Variants in CNTNAP3 observed in about 807,000 individuals in gnomAD.
The protein encoded by CNTNAP3 is contactin associated protein family member 3.
CNTNAP3 carries 36 observed loss-of-function variants against 92.1 expected under a neutral mutation model. That is an observed-to-expected ratio of 0.39 (90% CI 0.30 to 0.52). The LOEUF (loss-of-function observed/expected upper bound fraction) is 0.52. Ranked by LOEUF, CNTNAP3 falls within the 20% of genes least tolerant of loss-of-function variation. CNTNAP3 has a pLI of 0.76. For synonymous variants in CNTNAP3, 232 were observed against 422.3 expected (o/e 0.55, Z 5.53); for missense variants, 534 against 1,069.6 (o/e 0.50, Z 6.98).
intron 15 of CNTNAP3, among the ~76,000 whole-genome samples, chr9:39,104,942 T>G (rs1460409746): frequency 6.6e-6 from 1 of 152,316 alleles, no homozygotes; most frequent in East Asian, 1.9e-4. Flanking sequence ...TTTTTCTCTT[T>G]GTAATTCATG....
chr9:39,107,959 G>A (rs918962841), intron 15 of CNTNAP3, among the ~76,000 whole-genome samples: 12 of 152,140 alleles, frequency 7.9e-5, no homozygotes, highest in African/African-American at 2.9e-4. Flanking sequence ...TAACATATCT[G>A]TCAAGAGCTG....
At chr9:39,129,690 T>C (rs1402877245) in intron 13 of CNTNAP3, among the ~76,000 whole-genome samples, 1 of 152,098 alleles carries the variant, frequency 6.6e-6, no homozygotes, top group Non-Finnish European at 1.5e-5. Context: ...AGTCGATGAA[T>C]AGGCAAGCAA....
chr9:39,097,540 G>A (rs1469632420), intron 18 of CNTNAP3, among the ~76,000 whole-genome samples: 1 of 152,026 alleles, frequency 6.6e-6, no homozygotes, highest in East Asian at 1.9e-4. Context: ...CCTGGAATGA[G>A]GAGTTGGTGT....
At chr9:39,280,725 TC>T (rs1823003811) in intron 1 of CNTNAP3, among the ~76,000 whole-genome samples, 1 of 61,070 alleles carries the variant, frequency 1.6e-5, no homozygotes, top group Non-Finnish European at 6.1e-5. Context: ...GCTCACTATT[TC>T]TTATATCATG....
rs528955499 is a variant in CNTNAP3, at chr9:39,069,028, A to ATG, written c.*4861_*4862insCA. Among the ~76,000 whole-genome samples, 32 of 151,428 alleles carry ATG rather than the reference A, an allele frequency of 2.1e-4. No homozygotes were observed. Among genetic ancestry groups the ATG allele is most frequent in the African/African-American group, 7.6e-4 (31 of 40,738 alleles). ...AGTATAAACACACATACACATATAT[A>ATG]TATGTATGTATATAACACACATGAA... On this transcript the variant is annotated 3_prime_UTR_variant, in exon 24 of 24. Transcript: ENST00000297668.
At position 39,078,405 on chromosome 9, in the gene CNTNAP3, C is replaced by T; in HGVS notation, c.3725G>A (p.Arg1242Lys). ...EGEPLVNADR[R>K]DSAVIGGVIA... ...GTTACCTCCGATGACAGCAGAGTCT[C>T]TTCTGTCTGCATTAACCAAGGGCTC... Residue 1242 changes from arginine (R) to lysine (K), a missense_variant, in exon 23 of 24, where the codon AGA (arginine) becomes AAA (lysine). Physicochemically the swap from Arg to Lys is conservative, Grantham distance 26. Coordinates refer to ENST00000297668, the MANE Select transcript of CNTNAP3 (RefSeq NM_033655.5). 6.2e-7 allele frequency: 1 copy of T among 1,612,120 alleles called. No homozygotes were observed. The highest frequency in any genetic ancestry group is 8.5e-7 in the Non-Finnish European group (1 of 1,179,878).
chr9:39,081,120 A>T (rs141825670), intron 21 of CNTNAP3, among the ~76,000 whole-genome samples: 11 of 150,544 alleles, frequency 7.3e-5, no homozygotes, highest in African/African-American at 2.5e-4. Context: ...AAAGAAAGGC[A>T]TTCCTTTGCC....
intron 15 of CNTNAP3, among the ~76,000 whole-genome samples, chr9:39,106,130 AT>A (rs932694601): frequency 3.3e-5 from 5 of 152,126 alleles, no homozygotes; most frequent in African/African-American, 1.2e-4. Flanking sequence ...ATCCCTGCAG[AT>A]CCCCTAGTCC....
intron 13 of CNTNAP3, among the ~76,000 whole-genome samples, chr9:39,118,778 C>T (rs866889817): frequency 5.8e-4 from 88 of 152,316 alleles, no homozygotes; most frequent in African/African-American, 1.9e-3. Flanking sequence ...CATTGGATGT[C>T]CTGACTCTTT....
chr9:39,131,742 C>T (rs1821299103), intron 13 of CNTNAP3, among the ~76,000 whole-genome samples: 1 of 152,114 alleles, frequency 6.6e-6, no homozygotes, highest in Non-Finnish European at 1.5e-5. Flanking sequence ...AGGAGAATCG[C>T]TTGAATCCGG....
intron 13 of CNTNAP3, among the ~76,000 whole-genome samples, chr9:39,123,983 TAAAG>T (rs1343157042): frequency 1.3e-5 from 2 of 151,918 alleles, no homozygotes; most frequent in Non-Finnish European, 2.9e-5. Flanking sequence ...CAGAAATACA[TAAAG>T]AAAGGTAGGA....
Position 39,073,162 on chromosome 9 carries a change from T to C in CNTNAP3, c.*728A>G, listed in dbSNP as rs1243080449. On this transcript the variant is annotated 3_prime_UTR_variant, in exon 24 of 24. Coordinates refer to ENST00000297668, the MANE Select transcript of CNTNAP3 (RefSeq NM_033655.5). ...CAATACTAAAATTTCATAGCTAACA[T>C]TCAATATTAATTTCAACATTAAAAT... 1.3e-5 allele frequency: 2 copies of C among 155,496 alleles called. No individual in the cohort carries two copies. The highest frequency in any genetic ancestry group is 2.9e-5 in the Non-Finnish European group (2 of 69,758). The allele number at this position is 155,496 out of a possible 1,614,324, so 9.6% of individuals were successfully genotyped here. A position where few individuals can be genotyped will look rare whatever the true frequency, so the allele number is the denominator to read the frequency against.
At chr9:39,140,933 G>GA (rs1280904438) in intron 11 of CNTNAP3, among the ~76,000 whole-genome samples, 1 of 152,170 alleles carries the variant, frequency 6.6e-6, no homozygotes, top group African/African-American at 2.4e-5. Flanking sequence ...GAGGAAGAAG[G>GA]AAAGATTGTG....
At chr9:39,129,596 G>A (rs7866039) in intron 13 of CNTNAP3, among the ~76,000 whole-genome samples, 26,497 of 150,632 alleles carry the variant, frequency 0.18, 2,827 homozygotes, top group African/African-American at 0.37. Flanking sequence ...GAATTGACAC[G>A]ATGTGTACAA....
chr9:39,129,425 TAGTC>T (rs1441978019), intron 13 of CNTNAP3, among the ~76,000 whole-genome samples: 6 of 152,186 alleles, frequency 3.9e-5, no homozygotes, highest in South Asian at 2.1e-4. Context: ...TGAACATTCA[TAGTC>T]AGAGAGAGTG....
chr9:39,105,868 T>A lies in CNTNAP3; in HGVS notation c.2366-1954A>T, dbSNP rs867001665. Among the ~76,000 whole-genome samples the A allele has an allele frequency of 6.8e-4, 82 of 120,556 alleles. 5 individuals are homozygous for A. Among genetic ancestry groups the A allele is most frequent in the Admixed American group, 2.3e-3 (30 of 13,048 alleles). 79.1% of individuals were successfully genotyped at this position (120,556 alleles called of 152,430 possible). A position where few individuals can be genotyped will look rare whatever the true frequency, so the allele number is the denominator to read the frequency against. ...GTATTTGTATCTCTCTCTCTCTCTCTCACACACACAGTCTCTCTCTTCTAT... is the reference window on the plus strand; with the variant it reads ...GTATTTGTATCTCTCTCTCTCTCTCACACACACACAGTCTCTCTCTTCTAT... On this transcript the variant is annotated intron_variant, in intron 15 of 23. Coordinates refer to ENST00000297668, the MANE Select transcript of CNTNAP3 (RefSeq NM_033655.5).
rs1320714648 is a variant in CNTNAP3 at position 39,285,591 on chromosome 9, G to A, written c.85+2389C>T. Among the ~76,000 whole-genome samples the A allele has an allele frequency of 1.6e-3, 76 of 46,858 alleles. 20 individuals are homozygous for A. The highest frequency in any genetic ancestry group is 3.4e-3 in the African/African-American group (72 of 21,086). The allele number at this position is 46,858 out of a possible 152,430, so 30.7% of individuals were successfully genotyped here. A position where few individuals can be genotyped will look rare whatever the true frequency, so the allele number is the denominator to read the frequency against. ...GGCTGGAGTGCTATGGTGGGATCTC[G>A]GCTCACTGCAACCTCCATCTCCCAG... On this transcript the variant is annotated intron_variant, in intron 1 of 23. Coordinates refer to ENST00000297668, the MANE Select transcript of CNTNAP3 (RefSeq NM_033655.5).
intron 18 of CNTNAP3, among the ~76,000 whole-genome samples, chr9:39,091,168 C>CTTTTTTTTTTTTTTTT (rs1319060417): frequency 1.1e-4 from 13 of 117,934 alleles, no homozygotes; most frequent in South Asian, 5.4e-4. Flanking sequence ...TGTTTTTCTT[C>CTTTTTTTTTTTTTTTT]TTCTTTTTTT....
intron 13 of CNTNAP3, among the ~76,000 whole-genome samples, chr9:39,123,452 G>A (rs568156479): frequency 6.6e-6 from 1 of 151,954 alleles, no homozygotes; most frequent in African/African-American, 2.4e-5. Flanking sequence ...AATACCAGAA[G>A]TAGAAGGAAG....
Sources: gnomAD v4.1 joint callset for allele counts (sites outside exome capture counted in the v4.1 genomes callset) on GRCh38, gnomAD v4.1.1 for gene constraint, MANE v1.5 for transcripts, NCBI Gene and HGNC (gene_info 2026-07-23, HGNC 2026-07-21) for gene names.